Variants in VPS13B observed in about 807,000 individuals in gnomAD.
VPS13B encodes the protein intermembrane lipid transfer protein VPS13B.
A neutral mutation model predicts 426.4 loss-of-function variants in VPS13B; 285 were observed. That is an observed-to-expected ratio of 0.67 (90% CI 0.61 to 0.74). The LOEUF is 0.74. VPS13B is among the 30% of genes least tolerant of loss of function. VPS13B has a pLI of 0.00. For missense variants in VPS13B, 4,537 were observed against 4,782.6 expected (o/e 0.95, Z 1.51); for synonymous variants, 1,676 against 1,676.4 (o/e 1.00, Z 0.01).
At chr8:99,378,639 C>A (rs1813626938) in intron 19 of VPS13B, among the ~76,000 whole-genome samples, 1 of 152,326 alleles carries the variant, frequency 6.6e-6, no homozygotes, top group South Asian at 2.1e-4. Flanking sequence ...GTTCTTCCAT[C>A]AGGGTTTCAG....
intron 33 of VPS13B, among the ~76,000 whole-genome samples, chr8:99,614,430 A>G (rs1323353814): frequency 6.6e-6 from 1 of 151,932 alleles, no homozygotes; most frequent in African/African-American, 2.4e-5. Context: ...GGCATATGCC[A>G]CCACACCCGG....
At chr8:99,552,571 T>C (rs1824336335) in intron 30 of VPS13B, among the ~76,000 whole-genome samples, 1 of 151,044 alleles carries the variant, frequency 6.6e-6, no homozygotes, top group Non-Finnish European at 1.5e-5. Context: ...GGTTGGTTTT[T>C]ATTTTGTTTT....
intron 2 of VPS13B, among the ~76,000 whole-genome samples, chr8:99,033,869 C>G (rs1262300507): frequency 6.6e-6 from 1 of 152,000 alleles, no homozygotes; most frequent in Admixed American, 6.6e-5. Context: ...GCACTCCAGC[C>G]TGGGTGACAG....
At chr8:99,844,168 G>A (rs756710020) in intron 54 of VPS13B, among the ~76,000 whole-genome samples, 22 of 152,076 alleles carry the variant, frequency 1.4e-4, no homozygotes, top group Non-Finnish European at 3.1e-4. Context: ...GTCTGTTCAG[G>A]CTGCTATATC....
At chr8:99,850,608 C>T (rs753668807) in intron 55 of VPS13B, among the ~76,000 whole-genome samples, 29 of 152,064 alleles carry the variant, frequency 1.9e-4, no homozygotes, top group African/African-American at 6.0e-4. Flanking sequence ...AACTTTCATA[C>T]GTTTGTTTAA....
At chr8:99,729,073 C>T (rs1024396303) in intron 39 of VPS13B, among the ~76,000 whole-genome samples, 1 of 152,128 alleles carries the variant, frequency 6.6e-6, no homozygotes, top group African/African-American at 2.4e-5. Context: ...GATCCACATT[C>T]GTAATTTACC....
intron 15 of VPS13B, 140 bp downstream of exon 15, chr8:99,156,883 T>C: frequency 1.4e-6 from 1 of 707,836 alleles, no homozygotes; most frequent in South Asian, 2.5e-5. Context: ...AAGATGTATT[T>C]ATTCCAATAA....
chr8:99,452,370 T>C (rs1247999907), intron 23 of VPS13B, among the ~76,000 whole-genome samples: 1 of 152,164 alleles, frequency 6.6e-6, no homozygotes, highest in Non-Finnish European at 1.5e-5. Context: ...AACTTTATCC[T>C]AATTTTAACT....
chr8:99,033,063 A>G (rs1473067660), intron 2 of VPS13B, among the ~76,000 whole-genome samples: 1 of 152,130 alleles, frequency 6.6e-6, no homozygotes, highest in Non-Finnish European at 1.5e-5. Context: ...ATTTCCTTTT[A>G]AACCAGAAGA....
chr8:99,190,390 C>T (rs557949869), intron 16 of VPS13B, among the ~76,000 whole-genome samples: 2 of 151,006 alleles, frequency 1.3e-5, no homozygotes, highest in Admixed American at 6.6e-5. Context: ...AATTGGTATG[C>T]TTAGACGTTT....
intron 21 of VPS13B, among the ~76,000 whole-genome samples, chr8:99,411,332 A>G (rs1367789774): frequency 1.3e-5 from 2 of 152,184 alleles, no homozygotes; most frequent in East Asian, 1.9e-4. Flanking sequence ...GCTTTTATTC[A>G]TATGATTGTA....
chr8:99,336,704 A>G (rs1810895760), intron 19 of VPS13B, among the ~76,000 whole-genome samples: 1 of 152,250 alleles, frequency 6.6e-6, no homozygotes, highest in Non-Finnish European at 1.5e-5. Context: ...TGGGTGAAGG[A>G]TATGAACAGA....
rs1439926856 is a variant in VPS13B at position 99,463,561 on chromosome 8, T to C, written c.3446-3853T>C. On this transcript the variant is annotated intron_variant, in intron 23 of 61. Transcript: ENST00000357162. Reference sequence around the variant, plus strand: ...TGCTCATTTTCATTTCCTTTCTTTCTATGCCTTTCAACTGTCTTCCTCTTC... The same window carrying C: ...TGCTCATTTTCATTTCCTTTCTTTCCATGCCTTTCAACTGTCTTCCTCTTC... Among the ~76,000 whole-genome samples the C allele has an allele frequency of 2.0e-5, 3 of 152,234 alleles. No homozygotes were observed. The East Asian group carries it at 5.8e-4, about 29-fold the overall frequency.
chr8:99,797,848 T>C (rs11782274), intron 43 of VPS13B, among the ~76,000 whole-genome samples: 4,977 of 152,306 alleles, frequency 0.033, 108 homozygotes, highest in Middle Eastern at 0.068. Context: ...CTAAATATTA[T>C]ATATTTAAAG....
intron 39 of VPS13B, among the ~76,000 whole-genome samples, chr8:99,757,029 T>C (rs1810673915): frequency 6.6e-6 from 1 of 152,196 alleles, no homozygotes; most frequent in South Asian, 2.1e-4. Context: ...GAAAAATCTG[T>C]AAATTTGTAT....
chr8:99,576,304 G>A (rs1482340226), intron 32 of VPS13B, among the ~76,000 whole-genome samples: 2 of 151,964 alleles, frequency 1.3e-5, no homozygotes, highest in African/African-American at 4.8e-5. Context: ...GTTTTCACAG[G>A]ATGTATGCCA....
intron 39 of VPS13B, among the ~76,000 whole-genome samples, chr8:99,725,554 A>G (rs1833311343): frequency 6.6e-6 from 1 of 152,200 alleles, no homozygotes; most frequent in Admixed American, 6.5e-5. Context: ...ATTGTCTTCT[A>G]TGAAACCGGT....
In VPS13B at chr8:99,638,911, G is replaced by A. The variant is rs1182911326; in HGVS notation, c.5221-2900G>A. Among the ~76,000 whole-genome samples, 4 of 152,226 alleles carry A rather than the reference G, an allele frequency of 2.6e-5. No homozygotes were observed. The East Asian group carries it at 7.7e-4, about 29-fold the overall frequency. On this transcript the variant is annotated intron_variant, in intron 33 of 61. Coordinates refer to ENST00000357162, the MANE Select transcript of VPS13B (RefSeq NM_152564.5). ...ATCAAACATTCGTGGATTCTCTTCA[G>A]TGTGCTAGGCACTGCCCTGCTCTTC...
At chr8:99,129,535 C>T (rs543401996) in intron 8 of VPS13B, among the ~76,000 whole-genome samples, 1 of 136,250 alleles carries the variant, frequency 7.3e-6, no homozygotes, top group East Asian at 2.2e-4. Flanking sequence ...CCACTGTACT[C>T]TAGCCTGGGT....
Sources: gnomAD v4.1 joint callset for allele counts (sites outside exome capture counted in the v4.1 genomes callset) on GRCh38, gnomAD v4.1.1 for gene constraint, MANE v1.5 for transcripts, NCBI Gene and HGNC (gene_info 2026-07-23, HGNC 2026-07-21) for gene names.